ZNF676: variants seen among roughly 807,000 people sequenced by gnomAD.
The protein encoded by ZNF676 is zinc finger protein 676.
ZNF676 carries 4 observed loss-of-function variants against 6.0 expected under a neutral mutation model. The observed-to-expected ratio is 0.67, with a 90% CI of 0.33 to 1.53. ZNF676 has a LOEUF of 1.53. ZNF676 is among the 40% of genes most tolerant of loss of function. ZNF676 has a pLI of 0.06. For missense variants in ZNF676, 644 were observed against 679.7 expected (o/e 0.95, Z 0.58); for synonymous variants, 198 against 223.1 (o/e 0.89, Z 1.00).
At chr19:22,201,457 G>A (rs2024024588), upstream of ZNF676, among the ~76,000 whole-genome samples, 1 of 152,134 alleles carries the variant, frequency 6.6e-6, no homozygotes, top group African/African-American at 2.4e-5. Flanking sequence ...CCAGGCAGAG[G>A]CCAGGTCTTA....
At chr19:22,191,885 G>C (rs2023912149) in intron 2 of ZNF676, among the ~76,000 whole-genome samples, 1 of 152,154 alleles carries the variant, frequency 6.6e-6, no homozygotes, top group African/African-American at 2.4e-5. Context: ...AAAATTTTAA[G>C]AGGTGTTTAC....
the ZNF676 span, among the ~76,000 whole-genome samples, chr19:22,258,724 A>G: frequency 3.9e-5 from 6 of 152,182 alleles, no homozygotes; most frequent in African/African-American, 1.4e-4. Context: ...GATATGTCAC[A>G]GTGTTCCCTA....
chr19:22,242,204 G>T, the ZNF676 span, among the ~76,000 whole-genome samples: 1 of 151,954 alleles, frequency 6.6e-6, no homozygotes, highest in East Asian at 1.9e-4. Flanking sequence ...TGTCAGTAGA[G>T]AGTGAGCAGG....
chr19:22,235,420 G>C, the ZNF676 span, among the ~76,000 whole-genome samples: 1 of 152,106 alleles, frequency 6.6e-6, no homozygotes, highest in Non-Finnish European at 1.5e-5. Flanking sequence ...TGAGGAATAG[G>C]TTGCCTCCAA....
chr19:22,218,328 AC>A (rs1212047941), upstream of ZNF676, among the ~76,000 whole-genome samples: 1 of 151,496 alleles, frequency 6.6e-6, no homozygotes, highest in Non-Finnish European at 1.5e-5. Flanking sequence ...AGATGAAGAT[AC>A]TTTTTTTTTA....
At chr19:22,258,154 G>T in the ZNF676 span, among the ~76,000 whole-genome samples, 1 of 152,068 alleles carries the variant, frequency 6.6e-6, no homozygotes, top group South Asian at 2.1e-4. Flanking sequence ...TTCTCTGTGG[G>T]CATGGTCCAG....
upstream of ZNF676, among the ~76,000 whole-genome samples, chr19:22,200,104 TG>T (rs1568532394): frequency 6.6e-6 from 1 of 152,106 alleles, no homozygotes; most frequent in African/African-American, 2.4e-5. Flanking sequence ...TCTATGGCAC[TG>T]GGGGGTATTG....
At chr19:22,183,596 A>G (rs2023791689) in intron 2 of ZNF676, among the ~76,000 whole-genome samples, 1 of 152,150 alleles carries the variant, frequency 6.6e-6, no homozygotes, top group Non-Finnish European at 1.5e-5. Context: ...TGCCTTGGCC[A>G]CCTAAAGTGC....
the ZNF676 span, among the ~76,000 whole-genome samples, chr19:22,253,298 A>G: frequency 1.8e-3 from 267 of 150,096 alleles, no homozygotes; most frequent in African/African-American, 6.2e-3. Context: ...CCTCTATACC[A>G]TGCTCTGTTA....
chr19:22,215,403 T>G (rs2024174248), intron 1 of ZNF676, among the ~76,000 whole-genome samples: 1 of 152,282 alleles, frequency 6.6e-6, no homozygotes, highest in South Asian at 2.1e-4. Flanking sequence ...GGTGCAGAGC[T>G]GCCCCAAGAG....
intron 1 of ZNF676, 105 bp downstream of exon 1, chr19:22,196,495 T>C (rs1378273915): frequency 1.3e-5 from 20 of 1,595,142 alleles, no homozygotes; most frequent in Non-Finnish European, 1.5e-5. Flanking sequence ...CTTTTGTCTT[T>C]GTCTGTATTC....
intron 1 of ZNF676, among the ~76,000 whole-genome samples, chr19:22,193,707 T>G (rs1276575649): frequency 6.6e-6 from 1 of 152,126 alleles, no homozygotes; most frequent in South Asian, 2.1e-4. Flanking sequence ...ACAAAAAATT[T>G]TGCATGCTGA....
At chr19:22,233,887 G>C in the ZNF676 span, among the ~76,000 whole-genome samples, 125 of 152,288 alleles carry the variant, frequency 8.2e-4, 2 homozygotes, top group Middle Eastern at 0.014. Context: ...GTCACCCATT[G>C]GTTAGCACTC....
the ZNF676 span, among the ~76,000 whole-genome samples, chr19:22,241,437 C>T: frequency 6.6e-6 from 1 of 151,886 alleles, no homozygotes; most frequent in African/African-American, 2.4e-5. Flanking sequence ...GTAACCAACC[C>T]ACCTATGGAT....
chr19:22,181,533 A>G lies in ZNF676; in HGVS notation c.184T>C (p.Ser62Pro). The stretch of plus-strand genomic sequence containing the variant: ...CTTCTCAATATCATTTTTTGGAAAG[A>G]ATCTTCTATGCCTTGCTCTGGCCAA... ...EFWPEQGIED[S>P]FQKMILRRYD... The change falls in exon 3 of 3, where the codon TCT becomes CCT. Residue 62 changes from serine to proline, a missense_variant. Ser to Pro is a moderately conservative substitution (Grantham distance 74). Transcript: ENST00000397121. 6.2e-7 allele frequency: 1 copy of G among 1,610,390 alleles called. No homozygotes were observed. Among genetic ancestry groups the G allele is most frequent in the Non-Finnish European group, 8.5e-7 (1 of 1,178,526 alleles).
At chr19:22,220,695 G>T (rs934412291), upstream of ZNF676, among the ~76,000 whole-genome samples, 2 of 152,032 alleles carry the variant, frequency 1.3e-5, no homozygotes, top group African/African-American at 4.8e-5. Flanking sequence ...GACCTCAAGT[G>T]ATCCCCCCAC....
the ZNF676 span, among the ~76,000 whole-genome samples, chr19:22,257,961 A>C: frequency 5.9e-5 from 9 of 152,224 alleles, no homozygotes; most frequent in African/African-American, 2.2e-4. Context: ...GAGTCACATC[A>C]TGTAGGAGCT....
the ZNF676 span, among the ~76,000 whole-genome samples, chr19:22,231,795 T>A: frequency 6.6e-6 from 1 of 151,334 alleles, no homozygotes; most frequent in Non-Finnish European, 1.5e-5. Context: ...TTGAGACGGG[T>A]TTTCACCATG....
chr19:22,192,920 A>G (rs2023926566), intron 2 of ZNF676, 96 bp downstream of exon 2: 4 of 1,287,102 alleles, frequency 3.1e-6, no homozygotes, highest in East Asian at 2.8e-5. Context: ...AGAAACAACT[A>G]CTTTTGGAAC....
Sources: allele counts gnomAD v4.1 joint callset (sites outside exome capture counted in the v4.1 genomes callset), GRCh38; gene constraint gnomAD v4.1.1; transcripts MANE v1.5; gene names NCBI Gene and HGNC (gene_info 2026-07-23, HGNC 2026-07-21).